Variants in ZSWIM5 observed in about 807,000 individuals in gnomAD.
ZSWIM5 encodes zinc finger SWIM-type containing 5, also known as zinc finger SWIM domain-containing protein 5.
Under a neutral mutation model 119.6 loss-of-function variants are expected in ZSWIM5, and 55 were observed. The ratio of observed to expected loss-of-function variants is 0.46; its 90% CI spans 0.37 to 0.58. The LOEUF is 0.58. Ranked by LOEUF, ZSWIM5 falls within the 20% of genes least tolerant of loss-of-function variation. The pLI is 0.00. For synonymous variants in ZSWIM5, 537 were observed against 606.9 expected (o/e 0.88, Z 1.69); for missense variants, 1,193 against 1,512.8 (o/e 0.79, Z 3.51).
At chr1:45,140,795 A>C (rs1230832464) in intron 1 of ZSWIM5, among the ~76,000 whole-genome samples, 1 of 152,254 alleles carries the variant, frequency 6.6e-6, no homozygotes, top group African/African-American at 2.4e-5. Flanking sequence ...TCAAACTTGG[A>C]AAGAATGTAT....
intron 11 of ZSWIM5, among the ~76,000 whole-genome samples, chr1:45,024,192 C>CTTTT (rs59909524): frequency 1.5e-5 from 2 of 129,530 alleles, no homozygotes; most frequent in Non-Finnish European, 1.6e-5. Flanking sequence ...CTTTTCTTTT[C>CTTTT]TTTTTTTTTT....
At chr1:45,164,663 A>G (rs1645889238) in intron 1 of ZSWIM5, among the ~76,000 whole-genome samples, 1 of 152,156 alleles carries the variant, frequency 6.6e-6, no homozygotes, top group Non-Finnish European at 1.5e-5. Context: ...CAGGAGTTGC[A>G]ATCCTAGTCT....
intron 11 of ZSWIM5, among the ~76,000 whole-genome samples, chr1:45,024,112 T>C (rs1644905829): frequency 6.6e-6 from 1 of 152,102 alleles, no homozygotes; most frequent in Admixed American, 6.5e-5. Flanking sequence ...ATAAGTCCTT[T>C]ATCAGATTTT....
chr1:45,186,361 C>G (rs1188094134), intron 1 of ZSWIM5, among the ~76,000 whole-genome samples: 1 of 150,326 alleles, frequency 6.7e-6, no homozygotes, highest in Admixed American at 6.7e-5. Flanking sequence ...TGTAACTAAC[C>G]TGCACATTGT....
intron 5 of ZSWIM5, among the ~76,000 whole-genome samples, chr1:45,048,091 T>C (rs1335580264): frequency 3.4e-5 from 5 of 147,590 alleles, no homozygotes; most frequent in Non-Finnish European, 4.5e-5. Context: ...TCTTTTTTTT[T>C]TTTTTTTTTT....
chr1:45,097,885 TAAGTACTATAAAG>T (rs144312792), intron 1 of ZSWIM5, among the ~76,000 whole-genome samples: 3,112 of 152,212 alleles, frequency 0.02, 111 homozygotes, highest in African/African-American at 0.072. Context: ...CTAATTGTGT[TAAGTACTATAAAG>T]AAGTAGTATA....
At chr1:45,071,824 AT>A (rs1245753467) in intron 2 of ZSWIM5, among the ~76,000 whole-genome samples, 2 of 152,030 alleles carry the variant, frequency 1.3e-5, no homozygotes, top group Non-Finnish European at 2.9e-5. Flanking sequence ...TTCTTTATCC[AT>A]TCGTCTGCTG....
chr1:45,109,345 A>G (rs575288104), intron 1 of ZSWIM5, among the ~76,000 whole-genome samples: 2 of 152,328 alleles, frequency 1.3e-5, no homozygotes, highest in African/African-American at 4.8e-5. Flanking sequence ...TCAAAATTAT[A>G]TTACTGTACA....
chr1:45,167,709 C>A (rs374374835), intron 1 of ZSWIM5, among the ~76,000 whole-genome samples: 9,455 of 151,944 alleles, frequency 0.062, 360 homozygotes, highest in East Asian at 0.11. Flanking sequence ...ATGCAGCCAA[C>A]AGACACATGA....
At chr1:45,193,895 CA>C (rs1430131070) in intron 1 of ZSWIM5, among the ~76,000 whole-genome samples, 9 of 151,074 alleles carry the variant, frequency 6.0e-5, no homozygotes, top group African/African-American at 2.2e-4. Flanking sequence ...GCCAGAATTA[CA>C]TATTTGTGAT....
chr1:45,086,176 C>T (rs941036817), intron 2 of ZSWIM5, among the ~76,000 whole-genome samples: 2 of 152,224 alleles, frequency 1.3e-5, no homozygotes, highest in East Asian at 3.9e-4. Context: ...GGGGCAGGTG[C>T]TTACACACTT....
intron 1 of ZSWIM5, among the ~76,000 whole-genome samples, chr1:45,121,918 A>G (rs1645595855): frequency 6.6e-6 from 1 of 151,898 alleles, no homozygotes; most frequent in Non-Finnish European, 1.5e-5. Flanking sequence ...CCTTTTCCTA[A>G]TCCTTGTCTT....
At chr1:45,123,501 C>T (rs74380228) in intron 1 of ZSWIM5, among the ~76,000 whole-genome samples, 3,142 of 152,038 alleles carry the variant, frequency 0.021, 117 homozygotes, top group African/African-American at 0.072. Flanking sequence ...AGCAGATGGA[C>T]GAAACAGAGA....
chr1:45,130,259 G>T (rs933206397), intron 1 of ZSWIM5, among the ~76,000 whole-genome samples: 1 of 152,112 alleles, frequency 6.6e-6, no homozygotes, highest in Admixed American at 6.6e-5. Flanking sequence ...CTCTATTAAA[G>T]AACCTATTAA....
intron 1 of ZSWIM5, among the ~76,000 whole-genome samples, chr1:45,199,733 G>A (rs1045097773): frequency 6.6e-6 from 1 of 152,162 alleles, no homozygotes; most frequent in African/African-American, 2.4e-5. Flanking sequence ...AACTCTCAGA[G>A]TCAAATATTC....
rs1339749668 is a variant in ZSWIM5 at position 45,019,405 on chromosome 1, G to A, written c.2696-89C>T. ...ACCATTTGGGGTTTGAACTTGGCCT[G>A]CAGAGATGAATTCTTCCTCCTCAGC... On this transcript the variant is annotated intron_variant, in intron 13 of 13. Coordinates refer to ENST00000359600, the MANE Select transcript of ZSWIM5 (RefSeq NM_020883.2). This position sits in a 1 kb window ranked among gnomAD's most constrained non-coding sequence, Gnocchi z 5.0. The A allele has an allele frequency of 3.3e-6, 5 of 1,495,482 alleles. No homozygotes were observed. The highest frequency in any genetic ancestry group is 3.6e-6 in the Non-Finnish European group (4 of 1,122,306). The allele number at this position is 1,495,482 out of a possible 1,614,324, so 92.6% of individuals were successfully genotyped here.
At chr1:45,044,202 A>AGAG (rs1553189019) in intron 5 of ZSWIM5, among the ~76,000 whole-genome samples, 214 of 143,982 alleles carry the variant, frequency 1.5e-3, no homozygotes, top group Middle Eastern at 3.6e-3. Context: ...AAAAAAAAAA[A>AGAG]AGAGAGAGAG....
chr1:45,028,335 T>C (rs1272536057), intron 11 of ZSWIM5, among the ~76,000 whole-genome samples: 1 of 152,254 alleles, frequency 6.6e-6, no homozygotes, highest in Non-Finnish European at 1.5e-5. Context: ...TTTATGGCTT[T>C]AGCTCTTACA....
chr1:45,103,858 T>C (rs962005523), intron 1 of ZSWIM5, among the ~76,000 whole-genome samples: 5 of 152,234 alleles, frequency 3.3e-5, no homozygotes, highest in African/African-American at 1.2e-4. Context: ...AAGGCTCTAG[T>C]AAAGCTTGGG....
Sources: allele counts gnomAD v4.1 joint callset (sites outside exome capture counted in the v4.1 genomes callset), GRCh38; gene constraint gnomAD v4.1.1; non-coding constraint Gnocchi (gnomAD v3.1); transcripts MANE v1.5; gene names NCBI Gene and HGNC (gene_info 2026-07-23, HGNC 2026-07-21).